Variants in CUEDC1 observed in about 807,000 individuals in gnomAD.
The protein encoded by CUEDC1 is CUE domain containing 1, also known as CUE domain-containing protein 1.
A neutral mutation model predicts 43.7 loss-of-function variants in CUEDC1; 30 were observed. That is an observed-to-expected ratio of 0.69 (90% CI 0.51 to 0.93). The LOEUF (loss-of-function observed/expected upper bound fraction) is 0.93, where lower values mean the gene tolerates loss of function less well. Among genes scored for constraint, CUEDC1 ranks in the 40% least tolerant of loss-of-function variants. The probability of loss-of-function intolerance (pLI) is 0.00; values close to 1 mark genes in which losing one functional copy is unlikely to be tolerated. For synonymous variants in CUEDC1, 223 were observed against 223.6 expected, an observed-to-expected ratio of 1.00 and a Z score of 0.02; for missense variants, 486 against 549.0, an observed-to-expected ratio of 0.89 and a Z score of 1.15.
chr17:57,924,743 C>T (rs994436359), intron 1 of CUEDC1, among the ~76,000 whole-genome samples: 1 of 152,162 alleles, frequency 6.6e-6, no homozygotes, highest in Admixed American at 6.5e-5. Context: ...TGCTAGAAGC[C>T]GCTGTCCCAT....
chr17:57,945,647 A>G (rs777843264), intron 1 of CUEDC1, among the ~76,000 whole-genome samples: 2 of 152,240 alleles, frequency 1.3e-5, no homozygotes, highest in African/African-American at 2.4e-5. Flanking sequence ...AGCAGCAGCT[A>G]ACATTTAATG....
At chr17:57,941,665 C>A (rs2074918283) in intron 1 of CUEDC1, among the ~76,000 whole-genome samples, 1 of 152,248 alleles carries the variant, frequency 6.6e-6, no homozygotes, top group Non-Finnish European at 1.5e-5. Flanking sequence ...CAAATAAACA[C>A]CTCACCAAGT....
intron 4 of CUEDC1, 83 bp downstream of exon 4, chr17:57,873,508 A>AACATCAGG: frequency 7.0e-7 from 1 of 1,438,512 alleles, no homozygotes; most frequent in Non-Finnish European, 9.3e-7. Flanking sequence ...TCAGGAAGTA[A>AACATCAGG]AACTGGCTGG....
At chr17:57,872,357 T>C (rs2074046050) in intron 5 of CUEDC1, among the ~76,000 whole-genome samples, 1 of 152,230 alleles carries the variant, frequency 6.6e-6, no homozygotes. Flanking sequence ...AGTGCTCTTC[T>C]CCCTGCTGCC....
At chr17:57,881,835 G>A (rs972960155) in intron 2 of CUEDC1, among the ~76,000 whole-genome samples, 2 of 152,172 alleles carry the variant, frequency 1.3e-5, no homozygotes, top group African/African-American at 2.4e-5. Context: ...CCAGACAGAC[G>A]TTCATCAGAG....
At chr17:57,904,683 T>C (rs976055286) in intron 1 of CUEDC1, among the ~76,000 whole-genome samples, 4 of 152,012 alleles carry the variant, frequency 2.6e-5, no homozygotes, top group East Asian at 1.9e-4. Flanking sequence ...TTCAAGGAAA[T>C]TGGGAGAAAT....
Position 57,866,559 on chromosome 17 carries a change from G to C in CUEDC1, c.1094-15C>G, listed in dbSNP as rs2073962317. On this transcript the variant is annotated splice_polypyrimidine_tract_variant and intron_variant, in intron 9 of 10. Transcript: ENST00000577830. The stretch of plus-strand genomic sequence containing the variant: ...GAAGTCTTCATCTGAAAAGGAGAGG[G>C]AAGCTGCCTCATCCTCTACCCTGCA... 1.9e-6 allele frequency: 3 copies of C among 1,613,942 alleles called. No homozygotes were observed. The highest frequency in any genetic ancestry group is 2.5e-6 in the Non-Finnish European group (3 of 1,179,956).
intron 9 of CUEDC1, chr17:57,866,809 A>C: frequency 2.1e-6 from 1 of 477,634 alleles, no homozygotes; most frequent in South Asian, 2.3e-5. Flanking sequence ...CATCTATAAA[A>C]TGGGATGGAA....
rs1360096171 is a variant in CUEDC1 at position 57,862,281 on chromosome 17, A to C, written c.*1008T>G. The C allele has an allele frequency of 6.5e-6, 1 of 153,192 alleles. No individual in the cohort carries two copies. The highest frequency in any genetic ancestry group is 1.5e-5 in the Non-Finnish European group (1 of 68,906). The allele number at this position is 153,192 out of a possible 1,614,324, so 9.5% of individuals were successfully genotyped here. A position where few individuals can be genotyped will look rare whatever the true frequency, so the allele number is the denominator to read the frequency against. On this transcript the variant is annotated 3_prime_UTR_variant, in exon 11 of 11. Transcript: ENST00000577830. ...CAGATCACCCGCCCTTCTCAGGGGC[A>C]CCCAGCAAGCCCTTATGCCCTAGGC...
chr17:57,936,947 A>C (rs927557817), intron 1 of CUEDC1, among the ~76,000 whole-genome samples: 33 of 152,048 alleles, frequency 2.2e-4, no homozygotes, highest in African/African-American at 7.0e-4. Flanking sequence ...CAGCCTCCCA[A>C]GTAGCTGGAA....
At position 57,930,530 on chromosome 17, in the gene CUEDC1, C is replaced by T. The variant is rs931443883; in HGVS notation, c.-316+24695G>A. ...AAGCACTTGCAAACATTGCGAGGAA[C>T]GCTACCCACAACCACAGCAAGAGGA... On this transcript the variant is annotated intron_variant, in intron 1 of 10. Transcript: ENST00000577830. This position sits in a 1 kb window ranked among gnomAD's most constrained non-coding sequence, Gnocchi z 4.2. Among the ~76,000 whole-genome samples, 4 of 152,192 alleles carry T rather than the reference C, an allele frequency of 2.6e-5. No homozygotes were observed. The highest frequency in any genetic ancestry group is 9.6e-5 in the African/African-American group (4 of 41,452).
At chr17:57,879,517 G>A in intron 3 of CUEDC1, 94 bp downstream of exon 3, 1 of 1,440,638 alleles carries the variant, frequency 6.9e-7, no homozygotes, top group African/African-American at 1.5e-5. Context: ...AATATACTGA[G>A]CAGTCCAGCC....
At chr17:57,878,670 A>C (rs1315120552) in intron 3 of CUEDC1, among the ~76,000 whole-genome samples, 2 of 151,480 alleles carry the variant, frequency 1.3e-5, no homozygotes, top group Non-Finnish European at 2.9e-5. Flanking sequence ...TTATTTATTT[A>C]TTTATTTATT....
At chr17:57,917,674 C>T (rs1235416306) in intron 1 of CUEDC1, among the ~76,000 whole-genome samples, 1 of 152,240 alleles carries the variant, frequency 6.6e-6, no homozygotes, top group Non-Finnish European at 1.5e-5. Flanking sequence ...CAAGGTCACA[C>T]AGCGAGTAAG....
intron 3 of CUEDC1, among the ~76,000 whole-genome samples, chr17:57,876,322 A>G (rs2074126195): frequency 6.6e-6 from 1 of 152,086 alleles, no homozygotes; most frequent in Admixed American, 6.6e-5. Flanking sequence ...TCCTGCCTCC[A>G]GGCCTCTGCA....
chr17:57,871,055 T>C (rs2074027672), intron 6 of CUEDC1, among the ~76,000 whole-genome samples: 1 of 152,228 alleles, frequency 6.6e-6, no homozygotes, highest in South Asian at 2.1e-4. Flanking sequence ...TGAACACAAC[T>C]GTGGGCTCTG....
chr17:57,913,574 G>T (rs2074606747), intron 1 of CUEDC1, among the ~76,000 whole-genome samples: 1 of 152,170 alleles, frequency 6.6e-6, no homozygotes, highest in African/African-American at 2.4e-5. Flanking sequence ...TCAAAGAGGA[G>T]TGCAGGGAGG....
intron 3 of CUEDC1, among the ~76,000 whole-genome samples, chr17:57,879,354 T>C (rs2074171752): frequency 6.6e-6 from 1 of 152,250 alleles, no homozygotes. Flanking sequence ...GGCTGAGCTT[T>C]ACTTAACTCT....
intron 1 of CUEDC1, among the ~76,000 whole-genome samples, chr17:57,909,082 C>T (rs1487859068): frequency 6.6e-6 from 1 of 152,004 alleles, no homozygotes; most frequent in East Asian, 1.9e-4. Context: ...AAGGTAGCCA[C>T]TGGTCATGTA....
Sources: allele counts gnomAD v4.1 joint callset (sites outside exome capture counted in the v4.1 genomes callset), GRCh38; gene constraint gnomAD v4.1.1; non-coding constraint Gnocchi (gnomAD v3.1); transcripts MANE v1.5; gene names NCBI Gene and HGNC (gene_info 2026-07-23, HGNC 2026-07-21).